Variants in ZNF438 observed in about 807,000 individuals in gnomAD.
The protein encoded by ZNF438 is zinc finger protein 438.
A neutral mutation model predicts 38.0 loss-of-function variants in ZNF438; 25 were observed. The observed-to-expected ratio is 0.66, with a 90% CI of 0.48 to 0.92. The LOEUF (loss-of-function observed/expected upper bound fraction) is 0.92. Ranked by LOEUF, ZNF438 falls within the 40% of genes least tolerant of loss-of-function variation. ZNF438 has a pLI of 0.00. For synonymous variants in ZNF438, 372 were observed against 364.1 expected (o/e 1.02, Z -0.25); for missense variants, 1,007 against 999.6 (o/e 1.01, Z -0.10).
intron 1 of ZNF438, among the ~76,000 whole-genome samples, chr10:30,950,562 G>A (rs1231766693): frequency 4.6e-5 from 7 of 151,440 alleles, no homozygotes; most frequent in Non-Finnish European, 1.0e-4. Flanking sequence ...ATGATAAAGG[G>A]GATATCACCA....
rs1272465405 is a variant in ZNF438 at position 30,857,254 on chromosome 10, ATTTC to A, written c.38-6891_38-6888del. 4.3e-3 allele frequency among the ~76,000 whole-genome samples: 575 copies of A among 133,316 alleles called. 8 individuals are homozygous for A. The highest frequency in any genetic ancestry group is 0.014 in the African/African-American group (539 of 37,262). The allele number at this position is 133,316 out of a possible 152,430, so 87.5% of individuals were successfully genotyped here. ...TAGAAATGGCTTGTCATATTCTAAA[ATTTC>A]TTTTTTTTTTTTTTTTGAGACACAG... On this transcript the variant is annotated intron_variant, in intron 4 of 5. Transcript: ENST00000413025.
At chr10:30,965,377 G>T (rs891465914) in intron 1 of ZNF438, among the ~76,000 whole-genome samples, 1 of 152,160 alleles carries the variant, frequency 6.6e-6, no homozygotes, top group Non-Finnish European at 1.5e-5. Context: ...GCAGTTTGGA[G>T]AGTTCTCAAA....
chr10:31,017,638 C>T (rs1377867587), intron 1 of ZNF438, among the ~76,000 whole-genome samples: 2 of 152,160 alleles, frequency 1.3e-5, no homozygotes, highest in African/African-American at 4.8e-5. Context: ...ACGCAGCCAT[C>T]GCTCCCTCTC....
rs76160948 is a variant in ZNF438, at chr10:30,861,249, C to G, written c.38-10882G>C. On this transcript the variant is annotated intron_variant, in intron 4 of 5. Coordinates refer to ENST00000413025, the Ensembl canonical transcript of ZNF438. ...ATCACCTTTAGACTGCTTTTAATAC[C>G]TAGTGCAATGTAAATACTATGTAAA... Among the ~76,000 whole-genome samples, 1,244 of 152,174 alleles carry G rather than the reference C, an allele frequency of 8.2e-3. 14 individuals carry two copies. The highest frequency in any genetic ancestry group is 0.028 in the African/African-American group (1,146 of 41,500).
intron 3 of ZNF438, among the ~76,000 whole-genome samples, chr10:30,878,314 G>A (rs973774274): frequency 1.3e-4 from 20 of 152,116 alleles, no homozygotes; most frequent in African/African-American, 4.6e-4. Context: ...GAGGAGAGAA[G>A]CAGCTTGACT....
chr10:31,032,195 G>A (rs2057336994), upstream of ZNF438, among the ~76,000 whole-genome samples: 1 of 152,252 alleles, frequency 6.6e-6, no homozygotes, highest in Admixed American at 6.5e-5. Flanking sequence ...TAAACAAGCT[G>A]TCGCCCTGGG....
intron 4 of ZNF438, among the ~76,000 whole-genome samples, chr10:30,859,778 C>G (rs929569249): frequency 7.9e-5 from 12 of 152,142 alleles, no homozygotes; most frequent in African/African-American, 2.9e-4. Context: ...TAGAGACTAT[C>G]AGGTTGTTGA....
chr10:30,983,389 G>GTTC (rs916770989), intron 1 of ZNF438, among the ~76,000 whole-genome samples: 1 of 152,204 alleles, frequency 6.6e-6, no homozygotes, highest in African/African-American at 2.4e-5. Context: ...GAAGGCAAAG[G>GTTC]GGAAGCAGGT....
Position 30,971,140 on chromosome 10 carries a change from G to C in ZNF438, c.-191-29489C>G, listed in dbSNP as rs74134335. ...CTGGCATTAGTAATTTACTGTAAATGAAAGGTATACTAAAGGTAGAATTTT... is the reference window on the plus strand; with the variant it reads ...CTGGCATTAGTAATTTACTGTAAATCAAAGGTATACTAAAGGTAGAATTTT... On this transcript the variant is annotated intron_variant, in intron 1 of 5. Coordinates refer to ENST00000413025, the Ensembl canonical transcript of ZNF438. 1.6e-3 allele frequency among the ~76,000 whole-genome samples: 244 copies of C among 152,216 alleles called. 1 individual carries two copies. Among genetic ancestry groups the C allele is most frequent in the African/African-American group, 5.2e-3 (214 of 41,538 alleles).
Position 30,849,183 on chromosome 10 carries a change from A to T in ZNF438, c.1222T>A (p.Cys408Ser), listed in dbSNP as rs1382510590. The change falls in exon 5 of 6, where the codon TGT (cysteine) becomes AGT (serine). Residue 408 changes from cysteine to serine, a missense_variant. By Grantham distance (112) the Cys-to-Ser change is moderately radical (BLOSUM62 -1). Transcript: ENST00000413025. ...TTTACTCTTTCTTTACCATCTCTAC[A>T]CTTATTAATGATATATTTCCTCCTT... The T allele has an allele frequency of 3.1e-6, 5 of 1,613,822 alleles. No homozygotes were observed. The Admixed American group carries it at 6.7e-5, about 22-fold the overall frequency.
intron 1 of ZNF438, among the ~76,000 whole-genome samples, chr10:31,009,856 T>A (rs1190649901): frequency 6.7e-6 from 1 of 148,218 alleles, no homozygotes; most frequent in East Asian, 2.0e-4. Context: ...TTTTTTTTTT[T>A]TTTTTTTGAG....
chr10:30,943,373 G>A (rs1432798694), intron 1 of ZNF438, among the ~76,000 whole-genome samples: 1 of 152,030 alleles, frequency 6.6e-6, no homozygotes, highest in East Asian at 1.9e-4. Context: ...GGGAAAGGGA[G>A]GAGGAGAGAA....
exon 3 of ZNF438, chr10:30,908,977 T>C (rs1167035757): frequency 6.6e-6 from 1 of 152,184 alleles, no homozygotes; most frequent in Non-Finnish European, 1.5e-5. Context: ...TCCATCAAAA[T>C]GTTCAGAAGA....
chr10:30,978,532 T>C (rs2051697121), intron 1 of ZNF438, among the ~76,000 whole-genome samples: 1 of 152,198 alleles, frequency 6.6e-6, no homozygotes, highest in Admixed American at 6.5e-5. Context: ...GACAAATTTA[T>C]ATCTCCATAT....
intron 2 of ZNF438, among the ~76,000 whole-genome samples, chr10:30,930,423 C>T (rs1026056916): frequency 1.3e-5 from 2 of 152,098 alleles, no homozygotes; most frequent in African/African-American, 2.4e-5. Flanking sequence ...GCGCATCTCC[C>T]TCCACATCTC....
rs539352917 is a variant in ZNF438 at position 30,914,945 on chromosome 10, T to TA, written c.-114-5931dup. 3.8e-4 allele frequency among the ~76,000 whole-genome samples: 58 copies of TA among 152,042 alleles called. No individual in the cohort carries two copies. In the South Asian group the frequency reaches 9.6e-3, roughly 25 times the overall value. On this transcript the variant is annotated intron_variant, in intron 2 of 5. Transcript: ENST00000413025. ...TGCCTACTTTGGTACTTTGAAGTAT[T>TA]AAAAAAAATCACATAGAATTAAATT...
At chr10:30,863,997 C>G (rs1283970716) in intron 4 of ZNF438, among the ~76,000 whole-genome samples, 1 of 152,320 alleles carries the variant, frequency 6.6e-6, no homozygotes, top group South Asian at 2.1e-4. Context: ...ATTCCTTCCT[C>G]TGCTCTTCTG....
At chr10:30,943,613 T>C (rs2047051687) in intron 1 of ZNF438, among the ~76,000 whole-genome samples, 1 of 152,280 alleles carries the variant, frequency 6.6e-6, no homozygotes, top group Non-Finnish European at 1.5e-5. Flanking sequence ...TATAGTCACA[T>C]AGTGTGGGTT....
chr10:30,929,840 A>T (rs2045422529), intron 2 of ZNF438, among the ~76,000 whole-genome samples: 1 of 152,202 alleles, frequency 6.6e-6, no homozygotes, highest in South Asian at 2.1e-4. Flanking sequence ...CAGATCACTG[A>T]TTGGTGCATT....
Sources: allele counts gnomAD v4.1 joint callset (sites outside exome capture counted in the v4.1 genomes callset), GRCh38; gene constraint gnomAD v4.1.1; transcripts MANE v1.5; gene names NCBI Gene and HGNC (gene_info 2026-07-23, HGNC 2026-07-21).